Variants in PDE10A observed in about 807,000 individuals in gnomAD.
PDE10A encodes the protein cAMP and cAMP-inhibited cGMP 3',5'-cyclic phosphodiesterase 10A.
In PDE10A, 39 loss-of-function variants were observed where a neutral mutation model predicts 97.7. The observed-to-expected ratio is 0.40, with a 90% CI of 0.31 to 0.52. The LOEUF is 0.52. Ranked by LOEUF, PDE10A falls within the 20% of genes least tolerant of loss-of-function variation. The pLI is 0.56. For missense variants in PDE10A, 731 were observed against 1,047.8 expected, an observed-to-expected ratio of 0.70 and a Z score of 4.17; for synonymous variants, 371 against 376.8, an observed-to-expected ratio of 0.98 and a Z score of 0.18.
At chr6:165,529,962 C>G (rs1782674091) in intron 2 of PDE10A, among the ~76,000 whole-genome samples, 1 of 152,028 alleles carries the variant, frequency 6.6e-6, no homozygotes, top group African/African-American at 2.4e-5. Context: ...AGGGTGCTGC[C>G]AAAGGAGATT....
chr6:165,822,629 G>T (rs1779606565), intron 1 of PDE10A, among the ~76,000 whole-genome samples: 1 of 149,808 alleles, frequency 6.7e-6, no homozygotes, highest in South Asian at 2.1e-4. Context: ...AAAAAAAAAA[G>T]AGTGCACCGG....
At chr6:165,619,329 G>GTAGTC (rs1787926959) in intron 1 of PDE10A, among the ~76,000 whole-genome samples, 11 of 112,272 alleles carry the variant, frequency 9.8e-5, no homozygotes, top group South Asian at 4.8e-4. Flanking sequence ...GTGGTGTAGT[G>GTAGTC]TAGTGTAGTG....
At chr6:165,475,926 T>G (rs573321743) in intron 3 of PDE10A, among the ~76,000 whole-genome samples, 127 of 152,318 alleles carry the variant, frequency 8.3e-4, no homozygotes, top group African/African-American at 3.0e-3. Context: ...CCTGTGAGAA[T>G]GTCCACAACT....
intron 1 of PDE10A, among the ~76,000 whole-genome samples, chr6:165,631,211 AG>A (rs1406938123): frequency 6.6e-6 from 1 of 152,232 alleles, no homozygotes; most frequent in South Asian, 2.1e-4. Flanking sequence ...ACTTTGGTCT[AG>A]GATTCAATCC....
intron 4 of PDE10A, 60 bp downstream of exon 4, chr6:165,450,182 T>C: frequency 7.9e-7 from 1 of 1,260,572 alleles, no homozygotes; most frequent in Non-Finnish European, 1.1e-6. Context: ...TAGTTTTTGC[T>C]GCTTTTTGTA....
At chr6:165,683,392 G>T (rs1008007644) in intron 1 of PDE10A, among the ~76,000 whole-genome samples, 1 of 152,156 alleles carries the variant, frequency 6.6e-6, no homozygotes, top group Non-Finnish European at 1.5e-5. Flanking sequence ...CAAAAAGTGT[G>T]TGTGCAGACA....
At chr6:165,598,597 A>G (rs540893449) in intron 1 of PDE10A, among the ~76,000 whole-genome samples, 1 of 152,286 alleles carries the variant, frequency 6.6e-6, no homozygotes, top group East Asian at 1.9e-4. Context: ...TAATAATAGT[A>G]TCAATCTTAT....
chr6:165,761,560 G>C (rs1793251476), intron 1 of PDE10A, among the ~76,000 whole-genome samples: 1 of 152,056 alleles, frequency 6.6e-6, no homozygotes, highest in South Asian at 2.1e-4. Context: ...AATTTAGAAT[G>C]ATCAACGTGA....
chr6:165,419,425 G>C (rs1287794826), intron 10 of PDE10A, among the ~76,000 whole-genome samples: 1 of 152,106 alleles, frequency 6.6e-6, no homozygotes, highest in Non-Finnish European at 1.5e-5. Flanking sequence ...TATTAACGCA[G>C]GAAAATCTTT....
At chr6:165,491,062 A>G (rs636951) in intron 2 of PDE10A, among the ~76,000 whole-genome samples, 44,161 of 152,052 alleles carry the variant, frequency 0.29, 6,785 homozygotes, top group African/African-American at 0.39. Context: ...GGAAAAAGAT[A>G]TTATGTGCAA....
chr6:165,774,951 A>T (rs895962324), intron 1 of PDE10A: 1 of 151,204 alleles, frequency 6.6e-6, no homozygotes. Context: ...TGATTTGAAG[A>T]CCTTCGAAAG....
intron 1 of PDE10A, among the ~76,000 whole-genome samples, chr6:165,616,510 T>G (rs550981233): frequency 1.3e-5 from 2 of 152,200 alleles, no homozygotes; most frequent in Non-Finnish European, 2.9e-5. Context: ...GGTGATCTTT[T>G]GTGGATTTTT....
chr6:165,723,695 A>G (rs542287074), intron 1 of PDE10A, among the ~76,000 whole-genome samples: 1 of 152,350 alleles, frequency 6.6e-6, no homozygotes, highest in African/African-American at 2.4e-5. Flanking sequence ...AGCCTTTTCC[A>G]GAGAAGTAAG....
chr6:165,389,155 G>C (rs541069117), intron 16 of PDE10A, among the ~76,000 whole-genome samples: 1 of 152,090 alleles, frequency 6.6e-6, no homozygotes, highest in South Asian at 2.1e-4. Context: ...CAGTGGGGTC[G>C]AGGGCAGGGG....
rs1255754538 is a variant in PDE10A, at chr6:165,958,760, AGAAAGAAG to A, written c.-615+28761_-615+28768del. 3.2e-3 allele frequency among the ~76,000 whole-genome samples: 480 copies of A among 151,290 alleles called. 2 individuals are homozygous for A. Among genetic ancestry groups the A allele is most frequent in the African/African-American group, 0.011 (445 of 40,764 alleles). ...GAAAGAAAGAAAGAGAAAGAAAGAA[AGAAAGAAG>A]AAAGCAAGCCAGCCATGCCTCCCGA... is the stretch of plus-strand genomic sequence containing the variant. On this transcript the variant is annotated intron_variant, in intron 1 of 19. Coordinates refer to the PDE10A transcript ENST00000366882.
At chr6:165,839,404 T>C (rs763550263) in intron 1 of PDE10A, among the ~76,000 whole-genome samples, 23 of 152,200 alleles carry the variant, frequency 1.5e-4, no homozygotes, top group Non-Finnish European at 2.6e-4. Context: ...GTTTAAGAAA[T>C]TGGTAAAAAG....
intron 1 of PDE10A, among the ~76,000 whole-genome samples, chr6:165,839,898 C>CTTCATCCTCATCTGCATCTCCATCT (rs1562762570): frequency 5.8e-4 from 1 of 1,722 alleles, no homozygotes; most frequent in Non-Finnish European, 1.2e-3. Context: ...CATCCCCATT[C>CTTCATCCTCATCTGCATCTCCATCT]CCATCTCCAA....
rs976652125 is a variant in PDE10A at position 165,819,910 on chromosome 6, T to A, written c.-615+167619A>T. ...CTGTTTGTATGTAATAATCAGTGGT[T>A]AATATGGAATTCAGTAACACAAGGG... is the stretch of plus-strand genomic sequence containing the variant. On this transcript the variant is annotated intron_variant, in intron 1 of 19. Transcript: ENST00000366882. The surrounding 1 kb of genome is among the most constrained non-coding windows in gnomAD (Gnocchi z 4.2). Among the ~76,000 whole-genome samples the A allele has an allele frequency of 6.6e-6, 1 of 152,222 alleles. No individual in the cohort carries two copies. The highest frequency in any genetic ancestry group is 2.4e-5 in the African/African-American group (1 of 41,454).
intron 1 of PDE10A, among the ~76,000 whole-genome samples, chr6:165,571,631 A>G (rs1487350208): frequency 5.3e-5 from 8 of 152,204 alleles, no homozygotes; most frequent in Admixed American, 2.6e-4. Flanking sequence ...ACCCTTTGGA[A>G]GCATTACACT....
Sources: allele counts gnomAD v4.1 joint callset (sites outside exome capture counted in the v4.1 genomes callset), GRCh38; gene constraint gnomAD v4.1.1; non-coding constraint Gnocchi (gnomAD v3.1); transcripts MANE v1.5; gene names NCBI Gene and HGNC (gene_info 2026-07-23, HGNC 2026-07-21).